Variants in HNRNPA0 observed in about 807,000 individuals in gnomAD.
HNRNPA0 encodes heterogeneous nuclear ribonucleoprotein A0.
For synonymous variants in HNRNPA0, 243 were observed against 195.5 expected, an observed-to-expected ratio of 1.24 and a Z score of -2.03; for missense variants, 252 against 433.7, an observed-to-expected ratio of 0.58 and a Z score of 3.72.
rs1028783994 is a variant in HNRNPA0, at chr5:137,749,383, G to A, written c.*3766C>T. ...CAAATCAAAGTAAAAAAAATAGGTG[G>A]AAAATAGAGAATTGCCCTTCTAGTC... is the stretch of plus-strand genomic sequence containing the variant. On this transcript the variant is annotated 3_prime_UTR_variant, in exon 1 of 1. Coordinates refer to ENST00000314940, the MANE Select transcript of HNRNPA0 (RefSeq NM_006805.4). 6.6e-6 allele frequency: 1 copy of A among 152,114 alleles called. No homozygotes were observed. The highest frequency in any genetic ancestry group is 2.4e-5 in the African/African-American group (1 of 41,424). 9.4% of individuals were successfully genotyped at this position (152,114 alleles called of 1,614,324 possible).
In HNRNPA0 at chr5:137,749,711, G is replaced by C. The variant is rs1330365601; in HGVS notation, c.*3438C>G. The C allele has an allele frequency of 6.6e-6, 1 of 152,150 alleles. No individual in the cohort carries two copies. Among genetic ancestry groups the C allele is most frequent in the Non-Finnish European group, 1.5e-5 (1 of 67,990 alleles). The allele number at this position is 152,150 out of a possible 1,614,324, so 9.4% of individuals were successfully genotyped here. A position where few individuals can be genotyped will look rare whatever the true frequency, so the allele number is the denominator to read the frequency against. On this transcript the variant is annotated 3_prime_UTR_variant, in exon 1 of 1. Coordinates refer to ENST00000314940, the MANE Select transcript of HNRNPA0 (RefSeq NM_006805.4). ...TTTTGGGTAAAATCCGTGTAGTCTA[G>C]ATGCAGTTCTGCTCCAAATCCAACA...
rs1032284610 is a variant in HNRNPA0 at position 137,746,379 on chromosome 5, C to T, written c.*6770G>A. On this transcript the variant is annotated 3_prime_UTR_variant, in exon 1 of 1. Transcript: ENST00000314940. The stretch of plus-strand genomic sequence containing the variant: ...AAATCCTTACAACAACCTACAAATC[C>T]CTACATGATCTGGCCCCTCTGGCCT... 6.6e-6 allele frequency: 1 copy of T among 152,158 alleles called. No homozygotes were observed. The highest frequency in any genetic ancestry group is 6.5e-5 in the Admixed American group (1 of 15,276). The allele number at this position is 152,158 out of a possible 1,614,324, so 9.4% of individuals were successfully genotyped here. A position where few individuals can be genotyped will look rare whatever the true frequency, so the allele number is the denominator to read the frequency against.
rs748132831 is a variant in HNRNPA0, at chr5:137,753,308, G to A, written c.759C>T (p.Gly253=). ...GATGCTGGCTGTAGCTGCCGAAGCC[G>A]CCGAAGCCGTTACCGTAGTCGCTCC... ...YGGSDYGNGF[G]GFGSYSQHQS... Residue 253 remains glycine, a synonymous_variant, in exon 1 of 1, where the codon GGC becomes GGT. Transcript: ENST00000314940. This position sits in a 1 kb window ranked among gnomAD's most constrained non-coding sequence, Gnocchi z 6.1. The A allele has an allele frequency of 4.3e-5, 67 of 1,570,298 alleles. No homozygotes were observed. In the African/African-American group the frequency reaches 6.8e-4, roughly 16 times the overall value.
chr5:137,750,844 C>T lies in HNRNPA0; in HGVS notation c.*2305G>A, dbSNP rs1249753353. On this transcript the variant is annotated 3_prime_UTR_variant, in exon 1 of 1. Transcript: ENST00000314940. The stretch of plus-strand genomic sequence containing the variant: ...CAAACTTTAGAAGCCACTATATTCC[C>T]ATGTTGGGAATAATATGACAACCTT... 1 of 152,120 alleles carries T rather than the reference C, an allele frequency of 6.6e-6. No homozygotes were observed. The highest frequency in any genetic ancestry group is 2.4e-5 in the African/African-American group (1 of 41,422). 9.4% of individuals were successfully genotyped at this position (152,120 alleles called of 1,614,324 possible). A position where few individuals can be genotyped will look rare whatever the true frequency, so the allele number is the denominator to read the frequency against.
rs1283824722 is a variant in HNRNPA0 at position 137,747,955 on chromosome 5, G to T, written c.*5194C>A. The T allele has an allele frequency of 6.6e-6, 1 of 152,148 alleles. No individual in the cohort carries two copies. Among genetic ancestry groups the T allele is most frequent in the Non-Finnish European group, 1.5e-5 (1 of 68,014 alleles). The allele number at this position is 152,148 out of a possible 1,614,324, so 9.4% of individuals were successfully genotyped here. ...AGAAGGAGCGAAACAACTAGAATTG[G>T]TCAAACTTGGATTCAACTCTCAGTT... On this transcript the variant is annotated 3_prime_UTR_variant, in exon 1 of 1. Coordinates refer to ENST00000314940, the MANE Select transcript of HNRNPA0 (RefSeq NM_006805.4).
At position 137,750,503 on chromosome 5, in the gene HNRNPA0, AATT is replaced by A. The variant is rs1345937471; in HGVS notation, c.*2643_*2645del. On this transcript the variant is annotated 3_prime_UTR_variant, in exon 1 of 1. Transcript: ENST00000314940. Reference sequence around the variant, plus strand: ...AAAATACATTCAAGCATGGCACAAAAATTATATTCAACACTAGGTTCTGTACCA... The same window carrying A: ...AAAATACATTCAAGCATGGCACAAAAATATTCAACACTAGGTTCTGTACCA... The A allele has an allele frequency of 6.6e-6, 1 of 152,138 alleles. No homozygotes were observed. Among genetic ancestry groups the A allele is most frequent in the Non-Finnish European group, 1.5e-5 (1 of 67,984 alleles). The allele number at this position is 152,138 out of a possible 1,614,324, so 9.4% of individuals were successfully genotyped here.
Position 137,748,619 on chromosome 5 carries a change from A to G in HNRNPA0, c.*4530T>C, listed in dbSNP as rs1331629183. On this transcript the variant is annotated 3_prime_UTR_variant, in exon 1 of 1. Transcript: ENST00000314940. ...TATGTAGCAGGTATTACCATAGCCT[A>G]TTTTTTTACAAATAAGGCAAGTGAG... 1.3e-5 allele frequency: 2 copies of G among 152,032 alleles called. No homozygotes were observed. Among genetic ancestry groups the G allele is most frequent in the Non-Finnish European group, 2.9e-5 (2 of 67,988 alleles). The allele number at this position is 152,032 out of a possible 1,614,324, so 9.4% of individuals were successfully genotyped here.
Position 137,752,904 on chromosome 5 carries a change from T to C in HNRNPA0, c.*245A>G, listed in dbSNP as rs749659863. 4 of 426,096 alleles carry C rather than the reference T, an allele frequency of 9.4e-6. No individual in the cohort carries two copies. Among genetic ancestry groups the C allele is most frequent in the African/African-American group, 6.1e-5 (3 of 48,918 alleles). The allele number at this position is 426,096 out of a possible 1,614,324, so 26.4% of individuals were successfully genotyped here. A position where few individuals can be genotyped will look rare whatever the true frequency, so the allele number is the denominator to read the frequency against. On this transcript the variant is annotated 3_prime_UTR_variant, in exon 1 of 1. Transcript: ENST00000314940. ...TCCAAGTAATAATAAAAAAATAGAG[T>C]CCATCAATGACTGTAACACAAAAAT...
rs991740016 is a variant in HNRNPA0, at chr5:137,747,174, A to G, written c.*5975T>C. ...CTGGAGCAGAGCTGTGGCCACTCAC[A>G]ATCTCTTGCTAAGTATATGAGAAAG... On this transcript the variant is annotated 3_prime_UTR_variant, in exon 1 of 1. Coordinates refer to ENST00000314940, the MANE Select transcript of HNRNPA0 (RefSeq NM_006805.4). The G allele has an allele frequency of 2.6e-5, 4 of 152,210 alleles. No individual in the cohort carries two copies. The highest frequency in any genetic ancestry group is 9.7e-5 in the African/African-American group (4 of 41,438). The allele number at this position is 152,210 out of a possible 1,614,324, so 9.4% of individuals were successfully genotyped here. A position where few individuals can be genotyped will look rare whatever the true frequency, so the allele number is the denominator to read the frequency against.
chr5:137,751,576 A>G lies in HNRNPA0; in HGVS notation c.*1573T>C, dbSNP rs973344099. On this transcript the variant is annotated 3_prime_UTR_variant, in exon 1 of 1. Transcript: ENST00000314940. ...TACATACTCTCACTCAATCATGTAAAGAATTGAATTCTTTATTTGTGATAT... is the reference window on the plus strand; with the variant it reads ...TACATACTCTCACTCAATCATGTAAGGAATTGAATTCTTTATTTGTGATAT... 7.9e-5 allele frequency: 12 copies of G among 151,054 alleles called. No homozygotes were observed. The highest frequency in any genetic ancestry group is 1.5e-4 in the Non-Finnish European group (10 of 67,752). The allele number at this position is 151,054 out of a possible 1,614,324, so 9.4% of individuals were successfully genotyped here. A position where few individuals can be genotyped will look rare whatever the true frequency, so the allele number is the denominator to read the frequency against.
Position 137,752,250 on chromosome 5 carries a change from A to G in HNRNPA0, c.*899T>C, listed in dbSNP as rs1403796219. ...GAAACTAGGCCATCTGAAAAATTTTAAACAGTTTATATGAATGACATGCTT... is the reference window on the plus strand; with the variant it reads ...GAAACTAGGCCATCTGAAAAATTTTGAACAGTTTATATGAATGACATGCTT... On this transcript the variant is annotated 3_prime_UTR_variant, in exon 1 of 1. Transcript: ENST00000314940. 1.8e-4 allele frequency: 27 copies of G among 152,092 alleles called. No individual in the cohort carries two copies. Among genetic ancestry groups the G allele is most frequent in the Admixed American group, 1.7e-3 (26 of 15,282 alleles). The allele number at this position is 152,092 out of a possible 1,614,324, so 9.4% of individuals were successfully genotyped here. A position where few individuals can be genotyped will look rare whatever the true frequency, so the allele number is the denominator to read the frequency against.
chr5:137,753,419 ACCG>A lies in HNRNPA0; in HGVS notation c.645_647del (p.Gly216del), dbSNP rs922242748. 1.3e-6 allele frequency: 2 copies of A among 1,547,688 alleles called. No homozygotes were observed. On this transcript the variant is annotated inframe_deletion, in exon 1 of 1. Coordinates refer to ENST00000314940, the MANE Select transcript of HNRNPA0 (RefSeq NM_006805.4). This position sits in a 1 kb window ranked among gnomAD's most constrained non-coding sequence, Gnocchi z 6.1. ...CGCCGTAACCACCGTAGCTGTTGTA[ACCG>A]CCGCCGCCGCCCTTGGAAAGGCCGT... is the stretch of plus-strand genomic sequence containing the variant.
Position 137,751,060 on chromosome 5 carries a change from C to T in HNRNPA0, c.*2089G>A, listed in dbSNP as rs552748696. On this transcript the variant is annotated 3_prime_UTR_variant, in exon 1 of 1. Transcript: ENST00000314940. ...CCAAATTACCAAATGAAGTAGCCCA[C>T]ATGTAATTTGTGTATCACTAGAATT... 3 of 152,212 alleles carry T rather than the reference C, an allele frequency of 2.0e-5. No individual in the cohort carries two copies. The highest frequency in any genetic ancestry group is 6.5e-5 in the Admixed American group (1 of 15,294). The allele number at this position is 152,212 out of a possible 1,614,324, so 9.4% of individuals were successfully genotyped here. A position where few individuals can be genotyped will look rare whatever the true frequency, so the allele number is the denominator to read the frequency against.
In HNRNPA0 at chr5:137,752,109, T is replaced by C. The variant is rs1410673254; in HGVS notation, c.*1040A>G. The C allele has an allele frequency of 3.7e-5, 5 of 136,468 alleles. No individual in the cohort carries two copies. The highest frequency in any genetic ancestry group is 6.2e-5 in the Non-Finnish European group (4 of 64,038). The allele number at this position is 136,468 out of a possible 1,614,324, so 8.5% of individuals were successfully genotyped here. A position where few individuals can be genotyped will look rare whatever the true frequency, so the allele number is the denominator to read the frequency against. On this transcript the variant is annotated 3_prime_UTR_variant, in exon 1 of 1. Coordinates refer to ENST00000314940, the MANE Select transcript of HNRNPA0 (RefSeq NM_006805.4). ...TTCCATGAGGCCAACAGTTCGGATA[T>C]AGGAAAAAAAAAAAAAAAACGTTTA...
Position 137,753,087 on chromosome 5 carries a change from C to A in HNRNPA0, c.*62G>T. The A allele has an allele frequency of 1.3e-6, 2 of 1,520,112 alleles. No individual in the cohort carries two copies. The highest frequency in any genetic ancestry group is 1.8e-6 in the Non-Finnish European group (2 of 1,122,326). The allele number at this position is 1,520,112 out of a possible 1,614,324, so 94.2% of individuals were successfully genotyped here. On this transcript the variant is annotated 3_prime_UTR_variant, in exon 1 of 1. Coordinates refer to ENST00000314940, the MANE Select transcript of HNRNPA0 (RefSeq NM_006805.4). This position sits in a 1 kb window ranked among gnomAD's most constrained non-coding sequence, Gnocchi z 6.1. ...GAGGGGGTGGGGCTTAGGAGTTGAC[C>A]CCACTTGGGCTGTTGGAAAGAGCTA...
In HNRNPA0 at chr5:137,746,010, C is replaced by T. The variant is rs1423712451; in HGVS notation, c.*7139G>A. 6.6e-6 allele frequency: 1 copy of T among 152,142 alleles called. No homozygotes were observed. Among genetic ancestry groups the T allele is most frequent in the African/African-American group, 2.4e-5 (1 of 41,426 alleles). 9.4% of individuals were successfully genotyped at this position (152,142 alleles called of 1,614,324 possible). ...AACAGTGAGAATACCCCTAAATCCA[C>T]GTGTTCAGATAAGGGCCAACCATGC... is the stretch of plus-strand genomic sequence containing the variant. On this transcript the variant is annotated 3_prime_UTR_variant, in exon 1 of 1. Transcript: ENST00000314940.
At position 137,750,861 on chromosome 5, in the gene HNRNPA0, GACA is replaced by G. The variant is rs1753484720; in HGVS notation, c.*2285_*2287del. 1 of 152,066 alleles carries G rather than the reference GACA, an allele frequency of 6.6e-6. No homozygotes were observed. The highest frequency in any genetic ancestry group is 2.4e-5 in the African/African-American group (1 of 41,396). The allele number at this position is 152,066 out of a possible 1,614,324, so 9.4% of individuals were successfully genotyped here. ...TATATTCCCATGTTGGGAATAATAT[GACA>G]ACCTTATTAAACTGAAAACCCTGAG... On this transcript the variant is annotated 3_prime_UTR_variant, in exon 1 of 1. Transcript: ENST00000314940.
rs1753415323 is a variant in HNRNPA0, at chr5:137,746,794, T to C, written c.*6355A>G. ...GATTTTTGTCTTTTTCTTCTGTATT[T>C]CCAGCACAATCACCCAGCAGAAGAG... On this transcript the variant is annotated 3_prime_UTR_variant, in exon 1 of 1. Coordinates refer to ENST00000314940, the MANE Select transcript of HNRNPA0 (RefSeq NM_006805.4). The C allele has an allele frequency of 6.6e-6, 1 of 152,166 alleles. No individual in the cohort carries two copies. The allele number at this position is 152,166 out of a possible 1,614,324, so 9.4% of individuals were successfully genotyped here.
Position 137,754,179 on chromosome 5 carries a change from C to A in HNRNPA0, c.-113G>T. On this transcript the variant is annotated 5_prime_UTR_variant, in exon 1 of 1. Coordinates refer to ENST00000314940, the MANE Select transcript of HNRNPA0 (RefSeq NM_006805.4). ...TTGGGCCCAGCCGTTGCTGGAGCCA[C>A]CCCCGCCGCTCACCGACGGGGAAGG... 2 of 1,364,748 alleles carry A rather than the reference C, an allele frequency of 1.5e-6. No individual in the cohort carries two copies. Among genetic ancestry groups the A allele is most frequent in the Non-Finnish European group, 2.0e-6 (2 of 1,023,960 alleles). The allele number at this position is 1,364,748 out of a possible 1,614,324, so 84.5% of individuals were successfully genotyped here.
Sources: gnomAD v4.1 joint callset for allele counts on GRCh38, gnomAD v4.1.1 for gene constraint, Gnocchi (gnomAD v3.1) non-coding constraint, MANE v1.5 for transcripts, NCBI Gene and HGNC (gene_info 2026-07-23, HGNC 2026-07-21) for gene names.